The following ZFHX4 variants were observed in gnomAD, a reference collection of about 807,000 sequenced individuals.
ZFHX4 encodes the protein zinc finger homeobox 4.
In ZFHX4, 56 loss-of-function variants were observed where a neutral mutation model predicts 267.6. The observed-to-expected ratio is 0.21, with a 90% CI of 0.17 to 0.26. The LOEUF is 0.26. Ranked by LOEUF, ZFHX4 falls within the 10% of genes least tolerant of loss-of-function variation. The probability of loss-of-function intolerance (pLI) is 1.00; values close to 1 mark genes in which losing one functional copy is unlikely to be tolerated. For missense variants in ZFHX4, 4,332 were observed against 4,420.0 expected, an observed-to-expected ratio of 0.98 and a Z score of 0.56; for synonymous variants, 1,778 against 1,665.6, an observed-to-expected ratio of 1.07 and a Z score of -1.64.
At chr8:76,823,919 A>G (rs1383574636) in intron 4 of ZFHX4, among the ~76,000 whole-genome samples, 1 of 152,176 alleles carries the variant, frequency 6.6e-6, no homozygotes, top group Non-Finnish European at 1.5e-5. Flanking sequence ...GGATATATAA[A>G]CATTAAATAT....
intron 4 of ZFHX4, among the ~76,000 whole-genome samples, chr8:76,828,545 C>T (rs10504643): frequency 0.034 from 5,234 of 152,290 alleles, 211 homozygotes; most frequent in East Asian, 0.18. Context: ...TAGCACCTAA[C>T]AAGTTTCCAA....
chr8:76,812,007 G>A (rs1006104828), intron 4 of ZFHX4, among the ~76,000 whole-genome samples: 10 of 152,176 alleles, frequency 6.6e-5, no homozygotes, highest in African/African-American at 9.6e-5. Flanking sequence ...GGTCAAGAAC[G>A]CACCTATCTA....
chr8:76,810,145 G>T (rs899692195), intron 4 of ZFHX4, among the ~76,000 whole-genome samples: 18 of 152,092 alleles, frequency 1.2e-4, no homozygotes, highest in African/African-American at 4.3e-4. Context: ...TCACTGTTCT[G>T]CAAATTCATT....
chr8:76,815,839 C>A (rs1811491620), intron 4 of ZFHX4, among the ~76,000 whole-genome samples: 1 of 152,172 alleles, frequency 6.6e-6, no homozygotes, highest in Non-Finnish European at 1.5e-5. Flanking sequence ...CCAAACGCCC[C>A]ACCTGTTAAT....
At chr8:76,837,519 C>T (rs1426750841) in intron 5 of ZFHX4, among the ~76,000 whole-genome samples, 1 of 150,834 alleles carries the variant, frequency 6.6e-6, no homozygotes, top group Non-Finnish European at 1.5e-5. Context: ...CAAAGCCAGA[C>T]TACCAAGACA....
At chr8:76,722,693 T>C (rs578234621) in intron 3 of ZFHX4, among the ~76,000 whole-genome samples, 3 of 151,968 alleles carry the variant, frequency 2.0e-5, no homozygotes, top group Admixed American at 6.6e-5. Context: ...TAGATCTTAA[T>C]TGAGGTGCAA....
chr8:76,807,579 G>C (rs182571185), intron 4 of ZFHX4, among the ~76,000 whole-genome samples: 28 of 152,096 alleles, frequency 1.8e-4, no homozygotes, highest in Admixed American at 7.2e-4. Flanking sequence ...GTATAGGCTG[G>C]GGACATTACC....
chr8:76,825,512 G>A (rs1158159495), intron 4 of ZFHX4, among the ~76,000 whole-genome samples: 1 of 152,222 alleles, frequency 6.6e-6, no homozygotes, highest in African/African-American at 2.4e-5. Flanking sequence ...CAGGGTTGCT[G>A]TAGCAGAAGT....
At position 76,706,764 on chromosome 8, in the gene ZFHX4, G is replaced by A; in HGVS notation, c.2590+86G>A. On this transcript the variant is annotated intron_variant, in intron 2 of 10. Transcript: ENST00000651372. ...GATGCACCCAGATAAAATGGTGAGT[G>A]CCAACAAATTGAGGACAGCTTACTA... 2.9e-6 allele frequency: 4 copies of A among 1,382,452 alleles called. No homozygotes were observed. The South Asian group carries it at 6.1e-5, about 21-fold the overall frequency. The allele number at this position is 1,382,452 out of a possible 1,614,324, so 85.6% of individuals were successfully genotyped here.
At chr8:76,815,693 G>T (rs1020951522) in intron 4 of ZFHX4, among the ~76,000 whole-genome samples, 57 of 152,082 alleles carry the variant, frequency 3.7e-4, no homozygotes, top group African/African-American at 1.3e-3. Context: ...TAGAGATAGG[G>T]TCTTACTATA....
chr8:76,848,861 G>A (rs1193213576), intron 6 of ZFHX4, 134 bp from the exon 7 acceptor site: 7 of 797,804 alleles, frequency 8.8e-6, no homozygotes, highest in African/African-American at 1.8e-5. Flanking sequence ...TTTGAGATTA[G>A]CATTATTTAA....
chr8:76,730,805 A>G (rs547226340), intron 3 of ZFHX4, among the ~76,000 whole-genome samples: 2 of 152,312 alleles, frequency 1.3e-5, no homozygotes, highest in African/African-American at 4.8e-5. Flanking sequence ...GGATACACAC[A>G]AAGAACTAAT....
chr8:76,702,876 A>G (rs932241616), intron 1 of ZFHX4, among the ~76,000 whole-genome samples: 1 of 152,230 alleles, frequency 6.6e-6, no homozygotes, highest in Admixed American at 6.5e-5. Flanking sequence ...CAGTGCCATC[A>G]TTCTGCAAAC....
intron 4 of ZFHX4, among the ~76,000 whole-genome samples, 171 bp from the exon 5 acceptor site, chr8:76,833,167 C>T (rs1811980082): frequency 6.6e-6 from 1 of 152,138 alleles, no homozygotes; most frequent in African/African-American, 2.4e-5. Flanking sequence ...TCCCTGGGCT[C>T]ATTTTGCCAG....
intron 5 of ZFHX4, among the ~76,000 whole-genome samples, chr8:76,840,036 T>C (rs952043272): frequency 3.3e-5 from 5 of 152,208 alleles, no homozygotes; most frequent in African/African-American, 1.2e-4. Flanking sequence ...AGTTACCTTT[T>C]GATTATTTTT....
At chr8:76,772,525 G>T (rs1306712180) in intron 3 of ZFHX4, among the ~76,000 whole-genome samples, 1 of 152,076 alleles carries the variant, frequency 6.6e-6, no homozygotes, top group Non-Finnish European at 1.5e-5. Context: ...AGGGACATAG[G>T]TGAGCTGTAT....
At chr8:76,783,600 G>A (rs1488414791) in intron 4 of ZFHX4, among the ~76,000 whole-genome samples, 1 of 151,896 alleles carries the variant, frequency 6.6e-6, no homozygotes, top group Non-Finnish European at 1.5e-5. Context: ...TAAAATATGT[G>A]TGCACCTCAA....
chr8:76,737,581 T>G (rs536051557), intron 3 of ZFHX4, among the ~76,000 whole-genome samples: 69 of 152,328 alleles, frequency 4.5e-4, no homozygotes, highest in Admixed American at 7.8e-4. Flanking sequence ...AGCAAGTTAC[T>G]TAACCTCTCT....
rs1046065179 is a variant in ZFHX4 at position 76,852,807 on chromosome 8, G to A, written c.5886G>A (p.Lys1962=). 4 of 1,613,662 alleles carry A rather than the reference G, an allele frequency of 2.5e-6. No individual in the cohort carries two copies. The highest frequency in any genetic ancestry group is 1.3e-5 in the African/African-American group (1 of 75,008). ...TGTTTTCCAATGTTCTTATTTTAAA[G>A]AGTCACCAAGAACATGTACATGGGC... The part of the protein sequence containing the change: ...GKLFSNVLIL[K]SHQEHVHGQF... Residue 1962 remains lysine, a synonymous_variant, in exon 10 of 11, where the codon AAG becomes AAA. Coordinates refer to ENST00000651372, the MANE Select transcript of ZFHX4 (RefSeq NM_024721.5).
Sources: gnomAD v4.1 joint callset for allele counts (sites outside exome capture counted in the v4.1 genomes callset) on GRCh38, gnomAD v4.1.1 for gene constraint, MANE v1.5 for transcripts, NCBI Gene and HGNC (gene_info 2026-07-23, HGNC 2026-07-21) for gene names.